Variants in DOCK7 observed in about 807,000 individuals in gnomAD.
DOCK7 encodes the protein dedicator of cytokinesis protein 7.
A neutral mutation model predicts 271.0 loss-of-function variants in DOCK7; 138 were observed. That is an observed-to-expected ratio of 0.51 (90% CI 0.44 to 0.59). The LOEUF (loss-of-function observed/expected upper bound fraction) is 0.59, where lower values mean the gene tolerates loss of function less well. Among genes scored for constraint, DOCK7 ranks in the 20% least tolerant of loss-of-function variants. DOCK7 has a pLI of 0.00. For missense variants in DOCK7, 2,066 were observed against 2,592.4 expected (o/e 0.80, Z 4.41); for synonymous variants, 823 against 876.1 (o/e 0.94, Z 1.07).
chr1:62,496,273 C>A, intron 38 of DOCK7, 66 bp downstream of exon 38: 1 of 1,575,590 alleles, frequency 6.3e-7, no homozygotes, highest in Admixed American at 1.9e-5. Flanking sequence ...TTTGATTTAA[C>A]AATTTGGAAA....
Position 62,455,458 on chromosome 1 carries a change from T to TG in DOCK7, c.6381-3dup, listed in dbSNP as rs774039786. The TG allele has an allele frequency of 1.3e-4, 216 of 1,613,232 alleles. No individual in the cohort carries two copies. Among genetic ancestry groups the TG allele is most frequent in the Non-Finnish European group, 1.8e-4 (209 of 1,179,632 alleles). Reference sequence around the variant, plus strand: ...AGGCTCATTCGACTGAAGGAATCTCTGGGAAAAAAATGAGAGGACATAGTT... The same window carrying TG: ...AGGCTCATTCGACTGAAGGAATCTCTGGGGAAAAAAATGAGAGGACATAGTT... On this transcript the variant is annotated splice_region_variant and splice_polypyrimidine_tract_variant and intron_variant, in intron 49 of 49. Transcript: ENST00000635253.
In DOCK7 at chr1:62,619,935, G is replaced by A; in HGVS notation, c.1484C>T (p.Pro495Leu). 6.2e-7 allele frequency: 1 copy of A among 1,613,516 alleles called. No individual in the cohort carries two copies. The highest frequency in any genetic ancestry group is 8.5e-7 in the Non-Finnish European group (1 of 1,179,694). Residue 495 changes from proline to leucine, a missense_variant, in exon 13 of 50, where the codon CCA becomes CTA. Coordinates refer to ENST00000635253, the MANE Select transcript of DOCK7 (RefSeq NM_001367561.1). ...TCTTAGTCGCCGTAAGACAGAAGAT[G>A]GCCTTCTCATATCAGCAAGGAATTT... The part of the protein sequence containing the change: ...LYKFLADMRR[P>L]SSVLRRLRPI...
At position 62,518,236 on chromosome 1, in the gene DOCK7, G is replaced by T. The variant is rs2154234; in HGVS notation, c.3937-4338C>A. Among the ~76,000 whole-genome samples, 835 of 151,812 alleles carry T rather than the reference G, an allele frequency of 5.5e-3. 6 individuals carry two copies. Among genetic ancestry groups the T allele is most frequent in the African/African-American group, 0.019 (801 of 41,348 alleles). Reference sequence around the variant, plus strand: ...AAATCACTTGAGGCCAGGAGTTCAAGATCAGCCTGGCCAACATAGTGCAAC... The same window carrying T: ...AAATCACTTGAGGCCAGGAGTTCAATATCAGCCTGGCCAACATAGTGCAAC... On this transcript the variant is annotated intron_variant, in intron 31 of 49. Coordinates refer to ENST00000635253, the MANE Select transcript of DOCK7 (RefSeq NM_001367561.1).
Position 62,528,278 on chromosome 1 carries a change from A to G in DOCK7, c.3809T>C (p.Ile1270Thr). 6.2e-7 allele frequency: 1 copy of G among 1,612,688 alleles called. No homozygotes were observed. The highest frequency in any genetic ancestry group is 1.1e-5 in the South Asian group (1 of 90,686). Residue 1270 changes from isoleucine (I) to threonine (T), a missense_variant, in exon 31 of 50, where the codon ATT (isoleucine) becomes ACT (threonine). Physicochemically the swap from Ile to Thr is moderately conservative, Grantham distance 89. Around this residue, in one of 2 missense-constraint regions of DOCK7, gnomAD observed 1,414 missense variants for 1,670.4 expected, o/e 0.85. Transcript: ENST00000635253. Reference sequence around the variant, plus strand: ...TTCATAATCATCAGTGGCTATACAAATTGGTCTTCCTCGTTGATTGTGAGT... The same window carrying G: ...TTCATAATCATCAGTGGCTATACAAGTTGGTCTTCCTCGTTGATTGTGAGT... ...TETHNQRGRP[I>T]CIATDDYESE...
At chr1:62,522,206 A>AT (rs1249854800) in intron 31 of DOCK7, among the ~76,000 whole-genome samples, 1 of 152,092 alleles carries the variant, frequency 6.6e-6, no homozygotes, top group Non-Finnish European at 1.5e-5. Context: ...TCCCTACCTC[A>AT]TTTTAATTGG....
In DOCK7 at chr1:62,496,425, C is replaced by T; in HGVS notation, c.4837G>A (p.Glu1613Lys). The T allele has an allele frequency of 6.2e-7, 1 of 1,613,524 alleles. No individual in the cohort carries two copies. Among genetic ancestry groups the T allele is most frequent in the Non-Finnish European group, 8.5e-7 (1 of 1,179,660 alleles). The change falls in exon 38 of 50, where the codon GAA becomes AAA. Residue 1613 changes from glutamate to lysine, a missense_variant. By Grantham distance (56) the Glu-to-Lys change is moderately conservative. Coordinates refer to ENST00000635253, the MANE Select transcript of DOCK7 (RefSeq NM_001367561.1). ...TTTAGAGAACGTCTTAAGAATTCTT[C>T]ATTAAAATTCTGAGATGTGCCCACC... is the stretch of plus-strand genomic sequence containing the variant. ...SLVGTSQNFN[E>K]EFLRRSLKTI...
intron 43 of DOCK7, chr1:62,483,796 G>T (rs1470307894): frequency 6.6e-6 from 1 of 151,960 alleles, no homozygotes; most frequent in Admixed American, 6.6e-5. Flanking sequence ...GACCATGCTG[G>T]TCTTAAACTC....
chr1:62,625,770 T>G (rs906186176), intron 11 of DOCK7, among the ~76,000 whole-genome samples: 1 of 152,192 alleles, frequency 6.6e-6, no homozygotes, highest in Non-Finnish European at 1.5e-5. Context: ...AAGAGAATTG[T>G]AAGATAATTT....
intron 34 of DOCK7, among the ~76,000 whole-genome samples, chr1:62,509,622 AG>A (rs1644422856): frequency 6.6e-6 from 1 of 152,146 alleles, no homozygotes; most frequent in African/African-American, 2.4e-5. Flanking sequence ...ACGGAGAAAA[AG>A]AAAGGAAAGC....
chr1:62,604,766 A>T, intron 14 of DOCK7: 1 of 1,613,030 alleles, frequency 6.2e-7, no homozygotes, highest in Non-Finnish European at 8.5e-7. Flanking sequence ...TATACTCTAT[A>T]AAATCAACCA....
chr1:62,652,443 C>T (rs1657503725), intron 4 of DOCK7, among the ~76,000 whole-genome samples: 1 of 152,030 alleles, frequency 6.6e-6, no homozygotes, highest in Non-Finnish European at 1.5e-5. Flanking sequence ...ATATTCCAAT[C>T]CTGACTACTC....
At position 62,555,963 on chromosome 1, in the gene DOCK7, C is replaced by A; in HGVS notation, c.2458G>T (p.Ala820Ser). The change falls in exon 21 of 50, where the codon GCC (alanine) becomes TCC (serine). Residue 820 changes from alanine to serine, a missense_variant. Coordinates refer to ENST00000635253, the MANE Select transcript of DOCK7 (RefSeq NM_001367561.1). ...IVNLGQASFE[A>S]MASIINRLHK... ...AGTCGATTTATAATTGATGCCATGGCTTCAAAAGATGCTTGACCTAGGTTA... is the reference window on the plus strand; with the variant it reads ...AGTCGATTTATAATTGATGCCATGGATTCAAAAGATGCTTGACCTAGGTTA... The A allele has an allele frequency of 5.6e-6, 9 of 1,613,668 alleles. No homozygotes were observed. Among genetic ancestry groups the A allele is most frequent in the Non-Finnish European group, 7.6e-6 (9 of 1,179,908 alleles).
chr1:62,659,000 G>A (rs1658355489), intron 2 of DOCK7, among the ~76,000 whole-genome samples: 2 of 151,060 alleles, frequency 1.3e-5, no homozygotes, highest in South Asian at 4.2e-4. Context: ...GACATACTCC[G>A]ATAAAATAAA....
chr1:62,457,727 C>G (rs1471556432), intron 48 of DOCK7, 22 bp from the exon 49 acceptor site: 1 of 1,606,822 alleles, frequency 6.2e-7, no homozygotes, highest in Non-Finnish European at 8.5e-7. Context: ...AGGATGTTAT[C>G]AAGATATTAC....
chr1:62,510,365 TATA>T (rs1644447472), intron 34 of DOCK7, among the ~76,000 whole-genome samples: 1 of 152,202 alleles, frequency 6.6e-6, no homozygotes, highest in Admixed American at 6.5e-5. Context: ...GAGTTTAAAA[TATA>T]ATATTTTGCC....
chr1:62,507,882 A>T, intron 35 of DOCK7, 80 bp downstream of exon 35: 1 of 1,270,006 alleles, frequency 7.9e-7, no homozygotes. Context: ...ATGTAATTTT[A>T]TGGCTCACAG....
chr1:62,553,032 CTTTTTTTT>C lies in DOCK7; in HGVS notation c.2597-139_2597-132del, dbSNP rs66892340. 2.1e-4 allele frequency: 35 copies of C among 168,380 alleles called. No individual in the cohort carries two copies. In the Admixed American group the frequency reaches 3.4e-3, roughly 16 times the overall value. The allele number at this position is 168,380 out of a possible 1,614,324, so 10.4% of individuals were successfully genotyped here. ...CTTTGGTTTCTAAATAAAAAATATA[CTTTTTTTT>C]TTTTTTTTTTTTTGAGACAGAGTCT... On this transcript the variant is annotated intron_variant, in intron 21 of 49. Transcript: ENST00000635253.
intron 43 of DOCK7, among the ~76,000 whole-genome samples, chr1:62,479,429 T>C (rs1458079009): frequency 2.0e-5 from 3 of 152,118 alleles, no homozygotes; most frequent in East Asian, 1.9e-4. Context: ...TTAACACACA[T>C]AAAAATTAAC....
chr1:62,470,885 A>G (rs1444379379), intron 48 of DOCK7, among the ~76,000 whole-genome samples: 3 of 152,064 alleles, frequency 2.0e-5, no homozygotes, highest in East Asian at 1.9e-4. Context: ...TGATGTCTGT[A>G]AAGTTATACT....
Sources: allele counts gnomAD v4.1 joint callset (sites outside exome capture counted in the v4.1 genomes callset), GRCh38; gene constraint gnomAD v4.1.1; regional missense constraint gnomAD v4.1.1; transcripts MANE v1.5; gene names NCBI Gene and HGNC (gene_info 2026-07-23, HGNC 2026-07-21).